Variants in CHD2 observed in about 807,000 individuals in gnomAD.
CHD2 encodes chromodomain helicase DNA binding protein 2.
In CHD2, 28 loss-of-function variants were observed where a neutral mutation model predicts 243.9. The ratio of observed to expected loss-of-function variants is 0.11; its 90% CI spans 0.09 to 0.16. The LOEUF (loss-of-function observed/expected upper bound fraction) is 0.16. CHD2 is among the 10% of genes least tolerant of loss of function. The pLI is 1.00. For missense variants in CHD2, 1,386 were observed against 2,209.8 expected (o/e 0.63, Z 7.47); for synonymous variants, 775 against 779.0 (o/e 0.99, Z 0.09).
intron 2 of CHD2, chr15:92,904,578 T>TG: frequency 9.7e-7 from 1 of 1,034,306 alleles, no homozygotes; most frequent in Non-Finnish European, 1.2e-6. Context: ...TGTCCGCCCT[T>TG]GCCTGTAGCG....
chr15:92,929,541 G>A (rs1169274533), intron 5 of CHD2, among the ~76,000 whole-genome samples: 2 of 152,118 alleles, frequency 1.3e-5, no homozygotes, highest in Non-Finnish European at 2.9e-5. Context: ...TTTTAATGTT[G>A]CAGTTCATAA....
intron 2 of CHD2, chr15:92,904,519 C>T (rs1461835783): frequency 2.0e-6 from 2 of 996,006 alleles, no homozygotes; most frequent in South Asian, 4.3e-5. Context: ...CTAGTTGGGA[C>T]TTTCCGGTGG....
intron 2 of CHD2, among the ~76,000 whole-genome samples, chr15:92,912,419 C>A (rs1156400429): frequency 6.6e-6 from 1 of 152,218 alleles, no homozygotes; most frequent in Non-Finnish European, 1.5e-5. Flanking sequence ...TGCAGTGGCG[C>A]AGTCTCGGCT....
At chr15:92,968,825 A>T (rs182909388) in intron 17 of CHD2, among the ~76,000 whole-genome samples, 2 of 152,236 alleles carry the variant, frequency 1.3e-5, no homozygotes, top group Non-Finnish European at 2.9e-5. Flanking sequence ...ATCCATATTC[A>T]TGCTCTAACA....
At chr15:92,903,745 CAA>C (rs1222496874) in intron 2 of CHD2, among the ~76,000 whole-genome samples, 7 of 152,300 alleles carry the variant, frequency 4.6e-5, no homozygotes, top group South Asian at 2.1e-4. Flanking sequence ...TGTGTGCACA[CAA>C]AGAGTTCAGT....
intron 34 of CHD2, among the ~76,000 whole-genome samples, chr15:93,007,274 A>G (rs1168886583): frequency 6.6e-6 from 1 of 152,246 alleles, no homozygotes. Flanking sequence ...TACTGACTGA[A>G]GGTCGTTGGA....
At position 93,027,531 on chromosome 15, in the gene CHD2, C is replaced by T. The variant is rs555880544; in HGVS notation, c.*2826C>T. The T allele has an allele frequency of 2.6e-5, 4 of 152,674 alleles. No individual in the cohort carries two copies. The highest frequency in any genetic ancestry group is 6.5e-5 in the Admixed American group (1 of 15,308). The allele number at this position is 152,674 out of a possible 1,614,324, so 9.5% of individuals were successfully genotyped here. A position where few individuals can be genotyped will look rare whatever the true frequency, so the allele number is the denominator to read the frequency against. ...CGAAGGGAAGCCCAAACACTTTGCA[C>T]GCTGTGCTGCAGACATTCTGGCCTG... On this transcript the variant is annotated 3_prime_UTR_variant, in exon 39 of 39. Coordinates refer to ENST00000394196, the MANE Select transcript of CHD2 (RefSeq NM_001271.4).
intron 5 of CHD2, among the ~76,000 whole-genome samples, chr15:92,933,414 T>G (rs888395393): frequency 1.3e-5 from 2 of 152,236 alleles, no homozygotes; most frequent in Non-Finnish European, 2.9e-5. Context: ...AGTTCTCATC[T>G]GGCCCCTGTG....
At chr15:92,969,585 A>G (rs1018498405) in intron 17 of CHD2, among the ~76,000 whole-genome samples, 13 of 152,242 alleles carry the variant, frequency 8.5e-5, no homozygotes, top group Non-Finnish European at 1.8e-4. Flanking sequence ...ACTGGGCCCT[A>G]GGGGTGCTCT....
intron 16 of CHD2, among the ~76,000 whole-genome samples, chr15:92,962,807 T>G (rs927415007): frequency 2.6e-5 from 4 of 152,228 alleles, no homozygotes; most frequent in Non-Finnish European, 4.4e-5. Flanking sequence ...ATTTTGGGGT[T>G]GTTCTGTTAG....
chr15:92,909,786 G>C (rs1453444308), intron 2 of CHD2, among the ~76,000 whole-genome samples: 1 of 151,780 alleles, frequency 6.6e-6, no homozygotes, highest in Non-Finnish European at 1.5e-5. Context: ...GAAAGTGCTG[G>C]GATTACAGAT....
intron 2 of CHD2, among the ~76,000 whole-genome samples, chr15:92,906,053 A>G (rs1483906525): frequency 1.3e-5 from 2 of 152,198 alleles, no homozygotes; most frequent in Non-Finnish European, 2.9e-5. Flanking sequence ...AGATATTTTA[A>G]CCTAAATACC....
chr15:92,991,089 G>A (rs2054114075), intron 26 of CHD2, among the ~76,000 whole-genome samples: 1 of 152,142 alleles, frequency 6.6e-6, no homozygotes, highest in African/African-American at 2.4e-5. Context: ...AACTGAATAC[G>A]CTGATGAAAC....
chr15:92,971,457 G>C (rs1181651901), intron 17 of CHD2, among the ~76,000 whole-genome samples: 1 of 152,154 alleles, frequency 6.6e-6, no homozygotes, highest in Non-Finnish European at 1.5e-5. Context: ...GTATGTGTGT[G>C]TGTGTATATA....
chr15:92,906,940 A>G (rs1206283071), intron 2 of CHD2, among the ~76,000 whole-genome samples: 1 of 152,146 alleles, frequency 6.6e-6, no homozygotes, highest in Non-Finnish European at 1.5e-5. Flanking sequence ...TGCCATTCAC[A>G]ACTTGTTTTG....
intron 5 of CHD2, 73 bp downstream of exon 5, chr15:92,929,164 TTG>T: frequency 7.0e-7 from 1 of 1,426,284 alleles, no homozygotes; most frequent in Non-Finnish European, 9.7e-7. Context: ...ACTGCCTTCG[TTG>T]TGTCTTTAGT....
chr15:93,007,237 A>G (rs1295780061), intron 34 of CHD2, among the ~76,000 whole-genome samples: 1 of 152,258 alleles, frequency 6.6e-6, no homozygotes, highest in African/African-American at 2.4e-5. Context: ...ACAGTTGTTA[A>G]TTTTTGCTAA....
At chr15:92,994,975 A>C (rs1400768895) in intron 28 of CHD2, among the ~76,000 whole-genome samples, 1 of 152,162 alleles carries the variant, frequency 6.6e-6, no homozygotes. Context: ...GATTATTGAT[A>C]CCTTTTTTCC....
At position 92,939,594 on chromosome 15, in the gene CHD2, C is replaced by T. The variant is rs540770153; in HGVS notation, c.568C>T (p.Arg190Cys). The change falls in exon 7 of 39, where the codon CGT becomes TGT. Residue 190 changes from arginine to cysteine, a missense_variant. By Grantham distance (180) the Arg-to-Cys change is radical. Coordinates refer to ENST00000394196, the MANE Select transcript of CHD2 (RefSeq NM_001271.4). The part of the protein sequence containing the change: ...PVPRRTVPKP[R>C]VKKQPKTQRG... The stretch of plus-strand genomic sequence containing the variant: ...TCATTTTAGAACAGTGCCCAAACCT[C>T]GTGTTAAAAAGCAGCCGAAGACTCA... 3.8e-5 allele frequency: 62 copies of T among 1,613,738 alleles called. No homozygotes were observed. Among genetic ancestry groups the T allele is most frequent in the Non-Finnish European group, 4.8e-5 (57 of 1,179,936 alleles).
Sources: gnomAD v4.1 joint callset for allele counts (sites outside exome capture counted in the v4.1 genomes callset) on GRCh38, gnomAD v4.1.1 for gene constraint, MANE v1.5 for transcripts, NCBI Gene and HGNC (gene_info 2026-07-23, HGNC 2026-07-21) for gene names.